Variants in NPAS3 observed in about 807,000 individuals in gnomAD.
The protein encoded by NPAS3 is neuronal PAS domain protein 3.
NPAS3 carries 14 observed loss-of-function variants against 73.1 expected under a neutral mutation model. The ratio of observed to expected loss-of-function variants is 0.19; its 90% CI spans 0.13 to 0.30. The LOEUF (loss-of-function observed/expected upper bound fraction) is 0.30, where lower values mean the gene tolerates loss of function less well. Among genes scored for constraint, NPAS3 ranks in the 10% least tolerant of loss-of-function variants. The probability of loss-of-function intolerance (pLI) is 1.00; values close to 1 mark genes in which losing one functional copy is unlikely to be tolerated. For synonymous variants in NPAS3, 620 were observed against 541.5 expected (o/e 1.14, Z -2.01); for missense variants, 1,096 against 1,250.0 (o/e 0.88, Z 1.86).
At chr14:33,378,856 G>A (rs951618602) in intron 4 of NPAS3, among the ~76,000 whole-genome samples, 3 of 152,136 alleles carry the variant, frequency 2.0e-5, no homozygotes, top group Non-Finnish European at 4.4e-5. Context: ...TTTCTCAGGC[G>A]CTAAGAATGG....
intron 9 of NPAS3, among the ~76,000 whole-genome samples, chr14:33,779,145 A>G (rs1207771973): frequency 6.6e-6 from 1 of 152,054 alleles, no homozygotes; most frequent in Non-Finnish European, 1.5e-5. Flanking sequence ...CCATCCCCCA[A>G]CTCCTGGGGA....
At chr14:33,201,159 C>T (rs1320509047) in intron 2 of NPAS3, among the ~76,000 whole-genome samples, 2 of 152,184 alleles carry the variant, frequency 1.3e-5, no homozygotes, top group East Asian at 3.8e-4. Flanking sequence ...TCCTGGGACA[C>T]TTAATAAAAC....
At chr14:33,010,206 G>T (rs1299664427) in intron 1 of NPAS3, among the ~76,000 whole-genome samples, 1 of 152,228 alleles carries the variant, frequency 6.6e-6, no homozygotes, top group East Asian at 1.9e-4. Flanking sequence ...AGGAGATGTT[G>T]TATAGTTAGC....
chr14:33,131,055 CA>C, intron 2 of NPAS3, among the ~76,000 whole-genome samples: 2 of 152,256 alleles, frequency 1.3e-5, no homozygotes, highest in African/African-American at 4.8e-5. Flanking sequence ...TTATCTGGCC[CA>C]AGTACCTCTT....
intron 2 of NPAS3, among the ~76,000 whole-genome samples, chr14:33,141,298 G>A (rs2044034308): frequency 6.6e-6 from 1 of 152,108 alleles, no homozygotes; most frequent in Non-Finnish European, 1.5e-5. Flanking sequence ...TGTTACTAAG[G>A]GGGAAATGAT....
chr14:33,444,422 C>T (rs1053829348), intron 4 of NPAS3, among the ~76,000 whole-genome samples: 1 of 152,208 alleles, frequency 6.6e-6, no homozygotes, highest in Admixed American at 6.5e-5. Context: ...AAGTAACTGT[C>T]TTCGAACATT....
intron 7 of NPAS3, among the ~76,000 whole-genome samples, chr14:33,754,729 TTCTC>T (rs201012115): frequency 2.0e-5 from 3 of 152,150 alleles, no homozygotes; most frequent in Non-Finnish European, 4.4e-5. Context: ...TCTTTCAAGA[TTCTC>T]TCTCTCTTCT....
intron 1 of NPAS3, among the ~76,000 whole-genome samples, chr14:32,965,994 G>A (rs527684899): frequency 1.2e-4 from 18 of 152,126 alleles, no homozygotes; most frequent in African/African-American, 4.3e-4. Context: ...ATATAACTAA[G>A]GAAGTGAAAG....
chr14:33,526,034 C>A (rs1048112337), intron 4 of NPAS3, among the ~76,000 whole-genome samples: 1 of 151,944 alleles, frequency 6.6e-6, no homozygotes, highest in Admixed American at 6.6e-5. Flanking sequence ...ATTTCAGCAA[C>A]CTAGAAAAGA....
At chr14:33,320,680 C>A (rs1280538814) in intron 3 of NPAS3, among the ~76,000 whole-genome samples, 4 of 152,158 alleles carry the variant, frequency 2.6e-5, no homozygotes, top group African/African-American at 9.7e-5. Flanking sequence ...CAGCACCTGA[C>A]ATGGCAGAGG....
intron 3 of NPAS3, among the ~76,000 whole-genome samples, chr14:33,318,389 T>G (rs1392670475): frequency 6.6e-6 from 1 of 152,130 alleles, no homozygotes; most frequent in Non-Finnish European, 1.5e-5. Flanking sequence ...AGTTTAGCTT[T>G]GCAACACGAA....
At chr14:33,411,187 T>C (rs942819139) in intron 4 of NPAS3, among the ~76,000 whole-genome samples, 8 of 152,100 alleles carry the variant, frequency 5.3e-5, no homozygotes, top group Admixed American at 2.0e-4. Flanking sequence ...TTTTTGTTTT[T>C]TCGTTGTTTT....
At chr14:33,783,395 C>T (rs2063041760) in intron 9 of NPAS3, among the ~76,000 whole-genome samples, 1 of 152,130 alleles carries the variant, frequency 6.6e-6, no homozygotes. Context: ...AAGTGTTCCC[C>T]TTCTGCCATA....
chr14:33,107,415 CCT>C (rs1382072566), intron 2 of NPAS3, among the ~76,000 whole-genome samples: 1 of 151,540 alleles, frequency 6.6e-6, no homozygotes, highest in Non-Finnish European at 1.5e-5. Context: ...TCCTGTCTCC[CCT>C]GTCTAGTAGT....
At chr14:33,340,127 C>T (rs1408508102) in intron 3 of NPAS3, among the ~76,000 whole-genome samples, 1 of 152,134 alleles carries the variant, frequency 6.6e-6, no homozygotes, top group East Asian at 1.9e-4. Context: ...TAGCTTATTA[C>T]ACAGAGTGAG....
chr14:33,330,106 G>T (rs2043913465), intron 3 of NPAS3, among the ~76,000 whole-genome samples: 1 of 152,068 alleles, frequency 6.6e-6, no homozygotes, highest in Admixed American at 6.6e-5. Flanking sequence ...AGCCAGGTGT[G>T]GTGGTGCGTG....
intron 2 of NPAS3, among the ~76,000 whole-genome samples, chr14:33,134,975 T>C (rs1177122431): frequency 6.6e-6 from 1 of 152,140 alleles, no homozygotes; most frequent in Non-Finnish European, 1.5e-5. Context: ...CAAATAGAGC[T>C]CTTACTCCAA....
intron 4 of NPAS3, among the ~76,000 whole-genome samples, chr14:33,481,183 ATC>A (rs2051309239): frequency 6.6e-6 from 1 of 152,226 alleles, no homozygotes; most frequent in Non-Finnish European, 1.5e-5. Flanking sequence ...ATTTTGTCCA[ATC>A]TCTGCAGACT....
At chr14:32,946,195 A>G (rs2036241306) in intron 1 of NPAS3, among the ~76,000 whole-genome samples, 1 of 152,198 alleles carries the variant, frequency 6.6e-6, no homozygotes, top group South Asian at 2.1e-4. Flanking sequence ...GCAAGCATTT[A>G]TATAGCATCG....
Sources: gnomAD v4.1 joint callset for allele counts (sites outside exome capture counted in the v4.1 genomes callset) on GRCh38, gnomAD v4.1.1 for gene constraint, MANE v1.5 for transcripts, NCBI Gene and HGNC (gene_info 2026-07-23, HGNC 2026-07-21) for gene names.